The following CEP290 variants were observed in gnomAD, a reference collection of about 807,000 sequenced individuals.
The protein encoded by CEP290 is centrosomal protein 290.
In CEP290, 317 loss-of-function variants were observed where a neutral mutation model predicts 344.9. The ratio of observed to expected loss-of-function variants is 0.92; its 90% CI spans 0.84 to 1.01. The LOEUF (loss-of-function observed/expected upper bound fraction) is 1.01. Ranked by LOEUF, CEP290 falls within the 50% of genes least tolerant of loss-of-function variation. The pLI is 0.00. For missense variants in CEP290, 2,754 were observed against 2,761.4 expected, an observed-to-expected ratio of 1.00 and a Z score of 0.06; for synonymous variants, 932 against 895.8, an observed-to-expected ratio of 1.04 and a Z score of -0.72.
intron 13 of CEP290, among the ~76,000 whole-genome samples, chr12:88,122,459 C>T (rs1037044655): frequency 6.6e-6 from 1 of 152,092 alleles, no homozygotes; most frequent in Non-Finnish European, 1.5e-5. Flanking sequence ...CTTGATTTTG[C>T]CATTATTCTT....
chr12:88,054,888 A>G (rs2033874158), intron 50 of CEP290, among the ~76,000 whole-genome samples: 2 of 152,156 alleles, frequency 1.3e-5, no homozygotes, highest in South Asian at 4.1e-4. Flanking sequence ...TTGGGTGAAC[A>G]GTATTCTAAA....
chr12:88,111,749 T>C lies in CEP290; in HGVS notation c.2162A>G (p.Glu721Gly). 2 of 1,604,844 alleles carry C rather than the reference T, an allele frequency of 1.2e-6. No homozygotes were observed. The highest frequency in any genetic ancestry group is 1.7e-6 in the Non-Finnish European group (2 of 1,176,516). Residue 721 changes from glutamate to glycine, a missense_variant, in exon 21 of 54, where the codon GAA (glutamate) becomes GGA (glycine). Coordinates refer to ENST00000552810, the MANE Select transcript of CEP290 (RefSeq NM_025114.4). ...RNEELRQELR[E>G]SRKEAINYSQ... ...ATAATTTATAGCCTCTTTCCGAGAT[T>C]CCCTGAGCTCCTGTCTTAATTCTTC...
chr12:88,071,271 C>G, intron 43 of CEP290, 23 bp downstream of exon 43: 1 of 1,579,522 alleles, frequency 6.3e-7, no homozygotes, highest in Non-Finnish European at 8.7e-7. Flanking sequence ...CAATGGGTGG[C>G]ACATTTCCAC....
chr12:88,109,677 G>T (rs2038539762), intron 22 of CEP290, among the ~76,000 whole-genome samples: 1 of 152,058 alleles, frequency 6.6e-6, no homozygotes, highest in Non-Finnish European at 1.5e-5. Context: ...TTGAGTTTGG[G>T]TCTGTCTGAC....
At chr12:88,083,364 A>G in intron 36 of CEP290, 134 bp from the exon 37 acceptor site, 1 of 531,648 alleles carries the variant, frequency 1.9e-6, no homozygotes, top group South Asian at 4.6e-5. Flanking sequence ...TAGGCAATGA[A>G]GGCTTAAAGA....
chr12:88,110,331 A>C (rs2038593441), intron 22 of CEP290, among the ~76,000 whole-genome samples: 1 of 152,202 alleles, frequency 6.6e-6, no homozygotes, highest in Non-Finnish European at 1.5e-5. Context: ...CAGGTAGTAT[A>C]GTAGAGTACC....
At position 88,059,943 on chromosome 12, in the gene CEP290, T is replaced by C. The variant is rs2136725980; in HGVS notation, c.6600A>G (p.Glu2200=). ...GCCTTTCATTTTCAGCAATAATTTT[T>C]TCTGTGCCTTTGGTCTTGGATTCAT... ...MHYESKTKGT[E]KIIAENERLR... Residue 2200 remains glutamate (E), a synonymous_variant, in exon 48 of 54, where the codon GAA becomes GAG. Coordinates refer to ENST00000552810, the MANE Select transcript of CEP290 (RefSeq NM_025114.4). 6.3e-7 allele frequency: 1 copy of C among 1,593,622 alleles called. No individual in the cohort carries two copies. The highest frequency in any genetic ancestry group is 1.8e-5 in the Admixed American group (1 of 56,914).
intron 6 of CEP290, among the ~76,000 whole-genome samples, chr12:88,134,664 C>G (rs1340650400): frequency 6.6e-6 from 1 of 152,156 alleles, no homozygotes; most frequent in Non-Finnish European, 1.5e-5. Context: ...CTTTCTGTGT[C>G]TCCATTTCTT....
chr12:88,105,879 G>T (rs2038237821), intron 25 of CEP290, among the ~76,000 whole-genome samples: 1 of 151,620 alleles, frequency 6.6e-6, no homozygotes, highest in Admixed American at 6.6e-5. Flanking sequence ...AGGTAGCTGG[G>T]ATTACAAGCA....
chr12:88,060,854 A>C lies in CEP290; in HGVS notation c.6498T>G (p.Ile2166Met). 6.5e-7 allele frequency: 1 copy of C among 1,536,924 alleles called. No individual in the cohort carries two copies. The highest frequency in any genetic ancestry group is 8.7e-7 in the Non-Finnish European group (1 of 1,143,348). The change falls in exon 47 of 54, where the codon ATT (isoleucine) becomes ATG (methionine). Residue 2166 changes from isoleucine to methionine, a missense_variant. Ile to Met is a conservative substitution (Grantham distance 10, BLOSUM62 1). Coordinates refer to ENST00000552810, the MANE Select transcript of CEP290 (RefSeq NM_025114.4). ...CCTTCAATTTTTCATTTTCCTGCTCAATATTAGCCATTTTTTCACTAGTCA... is the reference window on the plus strand; with the variant it reads ...CCTTCAATTTTTCATTTTCCTGCTCCATATTAGCCATTTTTTCACTAGTCA... ...GILTSEKMAN[I>M]EQENEKLKAE...
intron 51 of CEP290, 146 bp downstream of exon 51, chr12:88,054,194 A>G: frequency 1.7e-6 from 1 of 591,024 alleles, no homozygotes; most frequent in Non-Finnish European, 2.9e-6. Flanking sequence ...TTAGCATTAG[A>G]GGGAAGAAAT....
intron 5 of CEP290, among the ~76,000 whole-genome samples, chr12:88,138,284 A>T (rs1011719272): frequency 6.6e-6 from 1 of 152,120 alleles, no homozygotes; most frequent in African/African-American, 2.4e-5. Context: ...AATATCTTCA[A>T]CTGTGCTACC....
intron 50 of CEP290, among the ~76,000 whole-genome samples, 172 bp downstream of exon 50, chr12:88,055,404 G>A (rs2033914976): frequency 6.6e-6 from 1 of 152,146 alleles, no homozygotes; most frequent in South Asian, 2.1e-4. Flanking sequence ...TGAAAAGAAT[G>A]AAGTCGTTGA....
intron 13 of CEP290, among the ~76,000 whole-genome samples, chr12:88,122,855 C>A (rs1478473047): frequency 6.6e-6 from 1 of 152,116 alleles, no homozygotes; most frequent in Admixed American, 6.6e-5. Context: ...TTCTCCACGT[C>A]TTCAATCTTT....
At chr12:88,068,937 T>C (rs905934157) in intron 43 of CEP290, among the ~76,000 whole-genome samples, 1 of 152,180 alleles carries the variant, frequency 6.6e-6, no homozygotes, top group African/African-American at 2.4e-5. Flanking sequence ...CATCCATTTA[T>C]ATGGAATTAC....
At chr12:88,061,281 A>T (rs1269706957) in intron 46 of CEP290, among the ~76,000 whole-genome samples, 1 of 152,190 alleles carries the variant, frequency 6.6e-6, no homozygotes, top group African/African-American at 2.4e-5. Flanking sequence ...ATTAAGTCTA[A>T]ATAGTCTATT....
At chr12:88,121,995 T>A (rs2039432910) in intron 13 of CEP290, among the ~76,000 whole-genome samples, 2 of 152,200 alleles carry the variant, frequency 1.3e-5, no homozygotes, top group African/African-American at 4.8e-5. Context: ...AATATTGCTA[T>A]CATTCCAAAA....
chr12:88,106,908 GCA>G lies in CEP290; in HGVS notation c.2587-5_2587-4del. The G allele has an allele frequency of 6.3e-7, 1 of 1,596,758 alleles. No homozygotes were observed. Among genetic ancestry groups the G allele is most frequent in the Non-Finnish European group, 8.5e-7 (1 of 1,169,840 alleles). On this transcript the variant is annotated splice_region_variant and splice_polypyrimidine_tract_variant and intron_variant, in intron 24 of 53. Coordinates refer to ENST00000552810, the MANE Select transcript of CEP290 (RefSeq NM_025114.4). ...ATCTGAAGAGCATTGAGCAAATTCT[GCA>G]CAAAGACACATCCATATTACTTGTT...
intron 3 of CEP290, among the ~76,000 whole-genome samples, chr12:88,139,895 G>A (rs2040548748): frequency 6.6e-6 from 1 of 151,850 alleles, no homozygotes; most frequent in Non-Finnish European, 1.5e-5. Context: ...TGCTTGGCGT[G>A]CCATCATGCT....
Sources: allele counts gnomAD v4.1 joint callset (sites outside exome capture counted in the v4.1 genomes callset), GRCh38; gene constraint gnomAD v4.1.1; transcripts MANE v1.5; gene names NCBI Gene and HGNC (gene_info 2026-07-23, HGNC 2026-07-21).